SEMA3E: variants seen among roughly 807,000 people sequenced by gnomAD.
The protein encoded by SEMA3E is semaphorin 3E, also known as semaphorin-3E.
A neutral mutation model predicts 93.6 loss-of-function variants in SEMA3E; 49 were observed. That is an observed-to-expected ratio of 0.52 (90% CI 0.42 to 0.66). The LOEUF is 0.66. Ranked by LOEUF, SEMA3E falls within the 30% of genes least tolerant of loss-of-function variation. SEMA3E has a pLI of 0.00. For synonymous variants in SEMA3E, 363 were observed against 330.7 expected (o/e 1.10, Z -1.06); for missense variants, 906 against 964.8 (o/e 0.94, Z 0.81).
chr7:83,498,643 A>G (rs2115589917), intron 1 of SEMA3E, among the ~76,000 whole-genome samples: 1 of 151,990 alleles, frequency 6.6e-6, no homozygotes, highest in Admixed American at 6.6e-5. Context: ...ATGCCCTGCA[A>G]ATTTTTGTAT....
chr7:83,415,789 A>C (rs2115683866), intron 5 of SEMA3E, among the ~76,000 whole-genome samples: 1 of 152,236 alleles, frequency 6.6e-6, no homozygotes, highest in Non-Finnish European at 1.5e-5. Flanking sequence ...TTTTATCATT[A>C]AATTTGTCTT....
intron 5 of SEMA3E, among the ~76,000 whole-genome samples, chr7:83,412,832 A>G (rs907329859): frequency 6.6e-6 from 1 of 151,994 alleles, no homozygotes; most frequent in Non-Finnish European, 1.5e-5. Context: ...AAAATATCAA[A>G]CGAAAGAAAA....
chr7:83,410,373 C>T (rs1467602124), intron 5 of SEMA3E, among the ~76,000 whole-genome samples: 1 of 151,870 alleles, frequency 6.6e-6, no homozygotes, highest in East Asian at 1.9e-4. Flanking sequence ...TTGAGTTCTT[C>T]TAGTATATTC....
At chr7:83,373,757 A>C (rs1794781333) in intron 16 of SEMA3E, among the ~76,000 whole-genome samples, 1 of 152,204 alleles carries the variant, frequency 6.6e-6, no homozygotes, top group Non-Finnish European at 1.5e-5. Flanking sequence ...GAATGAATTA[A>C]TGTCTAGAAG....
In SEMA3E at chr7:83,409,269, C is replaced by T. The variant is rs546123912; in HGVS notation, c.551-782G>A. 4.6e-5 allele frequency among the ~76,000 whole-genome samples: 7 copies of T among 152,168 alleles called. No homozygotes were observed. The East Asian group carries it at 1.4e-3, about 29-fold the overall frequency. On this transcript the variant is annotated intron_variant, in intron 5 of 16. Transcript: ENST00000643230. ...CTTAAGGGAGAGTATAACTTGAACT[C>T]CAGGAAGATCAATAGCTCTGAAGCA...
intron 8 of SEMA3E, 135 bp downstream of exon 8, chr7:83,405,810 G>A: frequency 1.3e-6 from 1 of 757,496 alleles, no homozygotes; most frequent in Non-Finnish European, 2.2e-6. Context: ...TGGCCAAAAT[G>A]AAAAGAACAG....
chr7:83,594,998 A>G (rs1792840224), intron 1 of SEMA3E, among the ~76,000 whole-genome samples: 1 of 151,654 alleles, frequency 6.6e-6, no homozygotes, highest in Non-Finnish European at 1.5e-5. Context: ...AGAAATTAGT[A>G]GGCCTCTTTC....
At chr7:83,404,624 T>G (rs1788292944) in intron 9 of SEMA3E, among the ~76,000 whole-genome samples, 1 of 152,012 alleles carries the variant, frequency 6.6e-6, no homozygotes, top group South Asian at 2.1e-4. Flanking sequence ...TTTATCCATT[T>G]TTACAGCACT....
intron 1 of SEMA3E, among the ~76,000 whole-genome samples, chr7:83,503,010 CTCTT>C (rs1790624133): frequency 2.9e-5 from 4 of 138,864 alleles, no homozygotes; most frequent in Non-Finnish European, 3.1e-5. Flanking sequence ...TTCTTTCTCT[CTCTT>C]TTTTTTTTTT....
rs1584345356 is a variant in SEMA3E at position 83,582,037 on chromosome 7, G to A, written c.115+66391C>T. Among the ~76,000 whole-genome samples, 3 of 151,992 alleles carry A rather than the reference G, an allele frequency of 2.0e-5. No homozygotes were observed. In the East Asian group the frequency reaches 5.8e-4, roughly 29 times the overall value. On this transcript the variant is annotated intron_variant, in intron 1 of 16. Transcript: ENST00000643230. ...AGTGTTTAAGGCAGGCTTAATGAGG[G>A]ATCATAACTCTACACTAACCCTTAA...
At chr7:83,394,698 T>G (rs1220000337) in intron 12 of SEMA3E, among the ~76,000 whole-genome samples, 9 of 152,204 alleles carry the variant, frequency 5.9e-5, no homozygotes, top group Non-Finnish European at 1.3e-4. Flanking sequence ...GTCATTAAAA[T>G]GAAACCATTG....
At chr7:83,392,102 A>G (rs1562759791) in intron 14 of SEMA3E, among the ~76,000 whole-genome samples, 1 of 152,178 alleles carries the variant, frequency 6.6e-6, no homozygotes, top group Non-Finnish European at 1.5e-5. Flanking sequence ...GGAGGTCTTT[A>G]AGTACCTTTC....
In SEMA3E at chr7:83,466,596, T is replaced by A. The variant is rs773239878; in HGVS notation, c.342A>T (p.Glu114Asp). 1.9e-6 allele frequency: 3 copies of A among 1,613,260 alleles called. No individual in the cohort carries two copies. The African/African-American group carries it at 4.0e-5, about 22-fold the overall frequency. ...ECIMKGKDAG[E>D]CANYVRVLHH... ...GCAAAACCCGAACATAATTTGCACATTCACCCTAAAGCAGGAAAAAAAGGG... is the reference window on the plus strand; with the variant it reads ...GCAAAACCCGAACATAATTTGCACAATCACCCTAAAGCAGGAAAAAAAGGG... Residue 114 changes from glutamate to aspartate, a missense_variant, in exon 4 of 17, where the codon GAA (glutamate) becomes GAT (aspartate). Coordinates refer to ENST00000643230, the MANE Select transcript of SEMA3E (RefSeq NM_012431.3).
intron 1 of SEMA3E, among the ~76,000 whole-genome samples, chr7:83,515,478 T>C (rs560214834): frequency 6.6e-6 from 1 of 152,158 alleles, no homozygotes; most frequent in African/African-American, 2.4e-5. Context: ...ATCCTTCCCA[T>C]GCTGCTTAGA....
chr7:83,624,095 G>A (rs973214704), intron 1 of SEMA3E, among the ~76,000 whole-genome samples: 10 of 152,152 alleles, frequency 6.6e-5, no homozygotes, highest in Non-Finnish European at 1.3e-4. Flanking sequence ...TGGTGTGTAT[G>A]TGCCACATTT....
chr7:83,623,316 T>A lies in SEMA3E; in HGVS notation c.115+25112A>T, dbSNP rs73382723. ...ATTATGGTACATTCAAATAAAGGAATATGATGAGATAAAATGGAGGAAGCA... is the reference window on the plus strand; with the variant it reads ...ATTATGGTACATTCAAATAAAGGAAAATGATGAGATAAAATGGAGGAAGCA... On this transcript the variant is annotated intron_variant, in intron 1 of 16. Transcript: ENST00000643230. 2.7e-3 allele frequency among the ~76,000 whole-genome samples: 418 copies of A among 152,214 alleles called. 2 individuals are homozygous for A. The highest frequency in any genetic ancestry group is 9.4e-3 in the African/African-American group (391 of 41,544).
intron 10 of SEMA3E, among the ~76,000 whole-genome samples, chr7:83,402,364 T>A (rs1277377631): frequency 6.6e-6 from 1 of 151,676 alleles, no homozygotes; most frequent in East Asian, 1.9e-4. Context: ...AAAATTTCAA[T>A]TGGTGTTACT....
At chr7:83,392,519 A>C in intron 14 of SEMA3E, 36 bp downstream of exon 14, 1 of 1,611,056 alleles carries the variant, frequency 6.2e-7, no homozygotes, top group Non-Finnish European at 8.5e-7. Context: ...GGTTTTCCTA[A>C]GCAAGGGAAA....
At chr7:83,472,208 A>G (rs1484259752) in intron 2 of SEMA3E, among the ~76,000 whole-genome samples, 2 of 152,214 alleles carry the variant, frequency 1.3e-5, no homozygotes, top group African/African-American at 4.8e-5. Flanking sequence ...TGTCTATACC[A>G]GCAATCCATG....
Sources: gnomAD v4.1 joint callset for allele counts (sites outside exome capture counted in the v4.1 genomes callset) on GRCh38, gnomAD v4.1.1 for gene constraint, MANE v1.5 for transcripts, NCBI Gene and HGNC (gene_info 2026-07-23, HGNC 2026-07-21) for gene names.